Variants in AKAP7 observed in about 807,000 individuals in gnomAD.
The protein encoded by AKAP7 is A kinase (PRKA) anchor protein 7.
AKAP7 carries 39 observed loss-of-function variants against 39.5 expected under a neutral mutation model. The ratio of observed to expected loss-of-function variants is 0.99; its 90% CI spans 0.76 to 1.29. The LOEUF is 1.29. Among genes scored for constraint, AKAP7 ranks in the 50% most tolerant of loss-of-function variants. The probability of loss-of-function intolerance (pLI) is 0.00; values close to 1 mark genes in which losing one functional copy is unlikely to be tolerated. For synonymous variants in AKAP7, 140 were observed against 139.1 expected (o/e 1.01, Z -0.05); for missense variants, 414 against 407.7 (o/e 1.02, Z -0.13).
At chr6:131,129,219 G>A in the AKAP7 span, among the ~76,000 whole-genome samples, 7 of 149,572 alleles carry the variant, frequency 4.7e-5, no homozygotes, top group Admixed American at 2.7e-4. Context: ...CCCGAGAGGC[G>A]GAAGTTGCAG....
intron 6 of AKAP7, among the ~76,000 whole-genome samples, chr6:131,207,517 T>TTTTTTTTTTTTTTTTTA (rs1367120493): frequency 3.5e-5 from 5 of 141,658 alleles, no homozygotes; most frequent in African/African-American, 1.1e-4. Flanking sequence ...TTTTTTTTTT[T>TTTTTTTTTTTTTTTTTA]AGATATGGGG....
chr6:131,255,691 G>C (rs1442410375), intron 7 of AKAP7, among the ~76,000 whole-genome samples: 1 of 151,742 alleles, frequency 6.6e-6, no homozygotes, highest in Non-Finnish European at 1.5e-5. Context: ...ATTACATCCT[G>C]TCTGTCTGAG....
intron 5 of AKAP7, among the ~76,000 whole-genome samples, chr6:131,171,569 A>G (rs972751529): frequency 6.6e-6 from 1 of 152,178 alleles, no homozygotes; most frequent in Non-Finnish European, 1.5e-5. Flanking sequence ...TAAGGGCATG[A>G]GGAGAGCGGT....
intron 5 of AKAP7, chr6:131,184,482 C>A: frequency 3.0e-6 from 2 of 670,876 alleles, no homozygotes; most frequent in South Asian, 2.9e-5. Context: ...CCCAGCTGGT[C>A]ATCATCTTCA....
intron 2 of AKAP7, among the ~76,000 whole-genome samples, chr6:131,147,937 C>T (rs146502391): frequency 3.5e-3 from 535 of 152,310 alleles, no homozygotes; most frequent in South Asian, 8.1e-3. Context: ...CTGCCAGAAT[C>T]CCAGAGAGCA....
intron 6 of AKAP7, among the ~76,000 whole-genome samples, chr6:131,215,713 T>C (rs887958375): frequency 2.6e-5 from 4 of 152,238 alleles, no homozygotes; most frequent in East Asian, 1.9e-4. Flanking sequence ...TACATTTTCA[T>C]TGGGGCAGTG....
At chr6:131,253,129 C>T (rs1209614761) in intron 7 of AKAP7, 10 of 1,601,026 alleles carry the variant, frequency 6.2e-6, no homozygotes, top group Non-Finnish European at 7.7e-6. Flanking sequence ...GACCCCTCCC[C>T]TCTCCTGCTG....
intron 7 of AKAP7, among the ~76,000 whole-genome samples, chr6:131,238,327 T>C (rs56037679): frequency 0.14 from 21,113 of 152,236 alleles, 1,850 homozygotes; most frequent in Middle Eastern, 0.28. Context: ...TACTTGCAAC[T>C]AAGTGGTCAA....
chr6:131,130,059 T>C, the AKAP7 span, among the ~76,000 whole-genome samples: 5 of 152,320 alleles, frequency 3.3e-5, no homozygotes, highest in South Asian at 2.1e-4. Flanking sequence ...AATTTAGTAG[T>C]AGTTCCTGAA....
intron 7 of AKAP7, among the ~76,000 whole-genome samples, chr6:131,267,981 G>A (rs540943105): frequency 1.3e-5 from 2 of 152,238 alleles, no homozygotes; most frequent in East Asian, 1.9e-4. Context: ...TGAATACTTG[G>A]GGAAAGATGA....
chr6:131,227,876 G>A (rs1266195225), intron 7 of AKAP7, among the ~76,000 whole-genome samples: 1 of 152,154 alleles, frequency 6.6e-6, no homozygotes, highest in Non-Finnish European at 1.5e-5. Flanking sequence ...CACTCGGACA[G>A]CCTAGATCAG....
At chr6:131,169,089 G>A (rs1803781289) in intron 4 of AKAP7, 24 bp from the exon 5 acceptor site, 1 of 1,571,796 alleles carries the variant, frequency 6.4e-7, no homozygotes, top group Non-Finnish European at 8.7e-7. Flanking sequence ...ATGTGTTACT[G>A]AAAAATGTAT....
At chr6:131,170,086 G>C (rs920812002) in intron 5 of AKAP7, among the ~76,000 whole-genome samples, 2 of 138,652 alleles carry the variant, frequency 1.4e-5, no homozygotes, top group African/African-American at 5.4e-5. Context: ...GGAATGGTGG[G>C]AATTGAACAA....
chr6:131,220,770 A>G (rs1809629213), intron 7 of AKAP7, among the ~76,000 whole-genome samples: 1 of 152,150 alleles, frequency 6.6e-6, no homozygotes, highest in Non-Finnish European at 1.5e-5. Context: ...TTCTCACAGT[A>G]TTTTAGACTT....
At chr6:131,212,197 A>C (rs1808732593) in intron 6 of AKAP7, among the ~76,000 whole-genome samples, 1 of 152,264 alleles carries the variant, frequency 6.6e-6, no homozygotes, top group South Asian at 2.1e-4. Context: ...TCTGTATTTT[A>C]AAGTAAACAA....
rs952234663 is a variant in AKAP7 at position 131,135,582 on chromosome 6, G to A, written c.-182G>A. 30 of 357,944 alleles carry A rather than the reference G, an allele frequency of 8.4e-5. No individual in the cohort carries two copies. Among genetic ancestry groups the A allele is most frequent in the Non-Finnish European group, 1.1e-4 (28 of 255,724 alleles). 22.2% of individuals were successfully genotyped at this position (357,944 alleles called of 1,614,324 possible). ...CTTGGGAAGCTCCGCGCTTCCGCAG[G>A]CCTGGCCTCCGCCGCCCGGGCCCCC... On this transcript the variant is annotated 5_prime_UTR_variant, in exon 1 of 8. Coordinates refer to ENST00000431975, the MANE Select transcript of AKAP7 (RefSeq NM_016377.4).
chr6:131,271,159 GTTC>G (rs1157619431), intron 7 of AKAP7, among the ~76,000 whole-genome samples: 4 of 152,026 alleles, frequency 2.6e-5, no homozygotes, highest in African/African-American at 9.7e-5. Flanking sequence ...TCACTAAGAA[GTTC>G]TTCTGTGTTT....
intron 5 of AKAP7, among the ~76,000 whole-genome samples, chr6:131,178,609 C>T (rs1804801318): frequency 6.6e-6 from 1 of 152,176 alleles, no homozygotes; most frequent in Non-Finnish European, 1.5e-5. Flanking sequence ...GTTTCCACTA[C>T]TGCTAATGCT....
intron 7 of AKAP7, among the ~76,000 whole-genome samples, chr6:131,233,841 C>T (rs754190547): frequency 6.6e-5 from 10 of 152,116 alleles, no homozygotes; most frequent in African/African-American, 9.7e-5. Context: ...TTAGAATTTA[C>T]GAAACCTCTA....
Sources: allele counts gnomAD v4.1 joint callset (sites outside exome capture counted in the v4.1 genomes callset), GRCh38; gene constraint gnomAD v4.1.1; transcripts MANE v1.5; gene names NCBI Gene and HGNC (gene_info 2026-07-23, HGNC 2026-07-21).